Variants in ZNF576 observed in about 807,000 individuals in gnomAD.
ZNF576 encodes zinc finger protein 576.
In ZNF576, 9 loss-of-function variants were observed where a neutral mutation model predicts 10.8. That is an observed-to-expected ratio of 0.84 (90% CI 0.50 to 1.46). ZNF576 has a LOEUF of 1.46. Among genes scored for constraint, ZNF576 ranks in the 40% most tolerant of loss-of-function variants. The pLI, the probability that ZNF576 is intolerant of heterozygous loss-of-function variation, is 0.00. For missense variants in ZNF576, 191 were observed against 233.7 expected (o/e 0.82, Z 1.19); for synonymous variants, 88 against 89.6 (o/e 0.98, Z 0.10).
In ZNF576 at chr19:43,599,118, G is replaced by T. The variant is rs1445051853; in HGVS notation, c.373G>T (p.Val125Phe). 1.2e-6 allele frequency: 2 copies of T among 1,614,254 alleles called. No homozygotes were observed. Reference sequence around the variant, plus strand: ...CTGTGGCAAGACCTTTGGGCAGGCTGTTTCTCTGAGGCGGCACCGCCAGAT... The same window carrying T: ...CTGTGGCAAGACCTTTGGGCAGGCTTTTTCTCTGAGGCGGCACCGCCAGAT... ...PDCGKTFGQA[V>F]SLRRHRQMHE... The change falls in exon 3 of 3, where the codon GTT becomes TTT. Residue 125 changes from valine to phenylalanine, a missense_variant. Coordinates refer to ENST00000336564, the MANE Select transcript of ZNF576 (RefSeq NM_001145347.2).
chr19:43,599,186 G>A lies in ZNF576; in HGVS notation c.441G>A (p.Glu147=), dbSNP rs1370201298. ...CTCCTGGCACCTTCGCCTGCACAGA[G>A]TGCGGTCAGGACTTTGCTCAGGAAG... ...RAPPGTFACT[E]CGQDFAQEAG... is the part of the protein sequence containing the mutation. Residue 147 remains glutamate (E), a synonymous_variant, in exon 3 of 3, where the codon GAG becomes GAA. Coordinates refer to ENST00000336564, the MANE Select transcript of ZNF576 (RefSeq NM_001145347.2). 1.9e-6 allele frequency: 3 copies of A among 1,614,146 alleles called. No homozygotes were observed. Among genetic ancestry groups the A allele is most frequent in the East Asian group, 4.5e-5 (2 of 44,902 alleles).
intron 1 of ZNF576, 79 bp from the exon 2 acceptor site, chr19:43,597,015 A>G (rs1333532032): frequency 1.6e-6 from 2 of 1,218,854 alleles, no homozygotes; most frequent in South Asian, 1.2e-5. Context: ...GGCGATGTCA[A>G]AGGTCATAGA....
chr19:43,597,354 A>G (rs1241514480), intron 2 of ZNF576, 161 bp downstream of exon 2: 7 of 631,510 alleles, frequency 1.1e-5, no homozygotes, highest in African/African-American at 1.8e-5. Flanking sequence ...ATCTCCTCAC[A>G]CCAGCTTATG....
intron 2 of ZNF576, among the ~76,000 whole-genome samples, chr19:43,598,555 C>G (rs1973174317): frequency 6.6e-6 from 1 of 152,212 alleles, no homozygotes; most frequent in Non-Finnish European, 1.5e-5. Flanking sequence ...CCATACCCCT[C>G]TGTTGGGCAG....
chr19:43,597,878 G>T (rs1020204328), intron 2 of ZNF576, among the ~76,000 whole-genome samples: 28 of 152,262 alleles, frequency 1.8e-4, no homozygotes, highest in Middle Eastern at 3.4e-3. Context: ...AGTTGAACAC[G>T]TTGGGTTTCT....
rs1363972532 is a variant in ZNF576 at position 43,600,005 on chromosome 19, G to A, written c.*747G>A. 6.6e-6 allele frequency: 1 copy of A among 152,238 alleles called. No individual in the cohort carries two copies. The highest frequency in any genetic ancestry group is 2.4e-5 in the African/African-American group (1 of 41,450). The allele number at this position is 152,238 out of a possible 1,614,324, so 9.4% of individuals were successfully genotyped here. On this transcript the variant is annotated 3_prime_UTR_variant, in exon 3 of 3. Transcript: ENST00000336564. ...CCATATTAAAATGTCTAAACAGGGA[G>A]CTCTGGCTTTTGAGTGGGAATTTCC... is the stretch of plus-strand genomic sequence containing the variant.
intron 2 of ZNF576, among the ~76,000 whole-genome samples, chr19:43,597,900 A>G (rs1973166269): frequency 6.6e-6 from 1 of 151,702 alleles, no homozygotes; most frequent in Non-Finnish European, 1.5e-5. Flanking sequence ...ACTGCAATGA[A>G]CACAGACCAT....
intron 1 of ZNF576, 147 bp downstream of exon 1, chr19:43,596,890 C>G: frequency 1.9e-6 from 1 of 516,960 alleles, no homozygotes; most frequent in South Asian, 2.1e-5. Context: ...GAGTCCCAAA[C>G]CCAGGAAATC....
In ZNF576 at chr19:43,597,098, G is replaced by T. The variant is rs1055878894; in HGVS notation, c.-11G>T. ...GCACGCTCCTCTCCTGACTAGAAGG[G>T]TCCCAGCACCATGGAGGACCCGAAC... On this transcript the variant is annotated 5_prime_UTR_variant, in exon 2 of 3. Coordinates refer to ENST00000336564, the MANE Select transcript of ZNF576 (RefSeq NM_001145347.2). 4 of 1,613,964 alleles carry T rather than the reference G, an allele frequency of 2.5e-6. No homozygotes were observed. The highest frequency in any genetic ancestry group is 4.5e-5 in the East Asian group (2 of 44,874).
Position 43,598,899 on chromosome 19 carries a change from C to T in ZNF576, c.154C>T (p.His52Tyr). ...CGCAGATTCCAAGTTCCAGGAGCGT[C>T]ACATGAAGCGGGAGCACCCAGCGGA... ...TFADSKFQER[H>Y]MKREHPADFV... The change falls in exon 3 of 3, where the codon CAC (histidine) becomes TAC (tyrosine). Residue 52 changes from histidine (H) to tyrosine (Y), a missense_variant. Transcript: ENST00000336564. The T allele has an allele frequency of 6.2e-7, 1 of 1,606,490 alleles. No homozygotes were observed. Among genetic ancestry groups the T allele is most frequent in the Non-Finnish European group, 8.5e-7 (1 of 1,174,158 alleles).
At chr19:43,597,987 A>C (rs1465908207) in intron 2 of ZNF576, among the ~76,000 whole-genome samples, 1 of 152,110 alleles carries the variant, frequency 6.6e-6, no homozygotes, top group Non-Finnish European at 1.5e-5. Flanking sequence ...GATTTTGGGG[A>C]AGGTTCAAGC....
At chr19:43,597,376 C>G (rs890601650) in intron 2 of ZNF576, 183 bp downstream of exon 2, 35 of 582,790 alleles carry the variant, frequency 6.0e-5, no homozygotes, top group African/African-American at 5.4e-4. Context: ...GGCCAGAGTA[C>G]TCACCCTCCT....
rs1336396214 is a variant in ZNF576 at position 43,599,116 on chromosome 19, CTG to C, written c.373_374del (p.Val125PhefsTer10). 6.2e-7 allele frequency: 1 copy of C among 1,614,264 alleles called. No individual in the cohort carries two copies. The highest frequency in any genetic ancestry group is 8.5e-7 in the Non-Finnish European group (1 of 1,180,046). ...GACTGTGGCAAGACCTTTGGGCAGGCTGTTTCTCTGAGGCGGCACCGCCAGAT... is the reference window on the plus strand; with the variant it reads ...GACTGTGGCAAGACCTTTGGGCAGGCTTTCTCTGAGGCGGCACCGCCAGAT... On this transcript the variant is annotated frameshift_variant, in exon 3 of 3. Transcript: ENST00000336564. LOFTEE classifies it high-confidence loss of function.
chr19:43,599,401 C>T lies in ZNF576; in HGVS notation c.*143C>T. On this transcript the variant is annotated 3_prime_UTR_variant, in exon 3 of 3. Transcript: ENST00000336564. Reference sequence around the variant, plus strand: ...GCAGAGGGCTCTTAATAAAGAGGACCCAGAAGATTCTTATTTAGAGCTTCA... The same window carrying T: ...GCAGAGGGCTCTTAATAAAGAGGACTCAGAAGATTCTTATTTAGAGCTTCA... 1 of 786,034 alleles carries T rather than the reference C, an allele frequency of 1.3e-6. No individual in the cohort carries two copies. Among genetic ancestry groups the T allele is most frequent in the South Asian group, 1.9e-5 (1 of 52,906 alleles). 48.7% of individuals were successfully genotyped at this position (786,034 alleles called of 1,614,324 possible). A position where few individuals can be genotyped will look rare whatever the true frequency, so the allele number is the denominator to read the frequency against.
intron 2 of ZNF576, among the ~76,000 whole-genome samples, chr19:43,598,482 A>C (rs1004602656): frequency 3.3e-5 from 5 of 152,168 alleles, no homozygotes; most frequent in Non-Finnish European, 4.4e-5. Context: ...GTAATTGCCT[A>C]GGAAGTGGTG....
Position 43,597,106 on chromosome 19 carries a change from A to C in ZNF576, c.-3A>C, listed in dbSNP as rs746451949. On this transcript the variant is annotated 5_prime_UTR_variant, in exon 2 of 3. Transcript: ENST00000336564. ...CTCTCCTGACTAGAAGGGTCCCAGC[A>C]CCATGGAGGACCCGAACCCTGAAGA... 1 of 1,614,006 alleles carries C rather than the reference A, an allele frequency of 6.2e-7. No individual in the cohort carries two copies. The highest frequency in any genetic ancestry group is 8.5e-7 in the Non-Finnish European group (1 of 1,179,932).
upstream of ZNF576, chr19:43,596,393 T>G (rs551124641): frequency 5.3e-5 from 8 of 152,308 alleles, no homozygotes; most frequent in African/African-American, 1.9e-4. Context: ...CCTCCCGTTA[T>G]TTTGAGGACC....
At chr19:43,597,472 G>T in intron 2 of ZNF576, 1 of 351,958 alleles carries the variant, frequency 2.8e-6, no homozygotes, top group Non-Finnish European at 5.4e-6. Flanking sequence ...AGATGTGGCT[G>T]GGAATGGTTC....
Sources: gnomAD v4.1 joint callset for allele counts (sites outside exome capture counted in the v4.1 genomes callset) on GRCh38, gnomAD v4.1.1 for gene constraint, MANE v1.5 for transcripts, NCBI Gene and HGNC (gene_info 2026-07-23, HGNC 2026-07-21) for gene names.